The following ARHGAP25 variants were observed in gnomAD, a reference collection of about 807,000 sequenced individuals.
ARHGAP25 encodes the protein rho GTPase-activating protein 25.
ARHGAP25 carries 34 observed loss-of-function variants against 71.0 expected under a neutral mutation model. The observed-to-expected ratio is 0.48, with a 90% CI of 0.36 to 0.64. The LOEUF is 0.64. ARHGAP25 is among the 30% of genes least tolerant of loss of function. ARHGAP25 has a pLI of 0.00. For synonymous variants in ARHGAP25, 282 were observed against 296.5 expected, an observed-to-expected ratio of 0.95 and a Z score of 0.50; for missense variants, 706 against 805.1, an observed-to-expected ratio of 0.88 and a Z score of 1.49.
intron 5 of ARHGAP25, among the ~76,000 whole-genome samples, chr2:68,810,340 T>C (rs1680693535): frequency 6.6e-6 from 1 of 152,220 alleles, no homozygotes. Context: ...CTCAACACTA[T>C]GAAAACTTAG....
intron 2 of ARHGAP25, among the ~76,000 whole-genome samples, chr2:68,725,363 CA>C (rs1674858549): frequency 6.6e-6 from 1 of 152,104 alleles, no homozygotes; most frequent in South Asian, 2.1e-4. Context: ...CTCTCTCTGA[CA>C]CCCAGGCTGG....
intron 1 of ARHGAP25, among the ~76,000 whole-genome samples, chr2:68,770,546 A>C (rs989964551): frequency 2.0e-5 from 3 of 152,212 alleles, no homozygotes; most frequent in Admixed American, 6.5e-5. Context: ...AACGTTTCTC[A>C]GCTGACTTCT....
intron 1 of ARHGAP25, among the ~76,000 whole-genome samples, chr2:68,735,929 G>C (rs933940728): frequency 2.0e-5 from 3 of 152,160 alleles, no homozygotes; most frequent in African/African-American, 7.2e-5. Context: ...AATGATGATA[G>C]TGATACATTA....
intron 4 of ARHGAP25, among the ~76,000 whole-genome samples, chr2:68,796,588 T>C (rs1679554541): frequency 6.6e-6 from 1 of 152,236 alleles, no homozygotes; most frequent in Non-Finnish European, 1.5e-5. Flanking sequence ...GTGAAGATGC[T>C]GTATGATTTC....
chr2:68,787,021 C>G (rs1447315335), intron 3 of ARHGAP25, among the ~76,000 whole-genome samples: 4 of 152,202 alleles, frequency 2.6e-5, no homozygotes, highest in African/African-American at 9.6e-5. Flanking sequence ...GAGTTCAAGT[C>G]TCAGATCTGA....
chr2:68,773,182 T>C (rs974288541), intron 1 of ARHGAP25, among the ~76,000 whole-genome samples: 1 of 152,108 alleles, frequency 6.6e-6, no homozygotes, highest in Admixed American at 6.5e-5. Flanking sequence ...AATGTGGAAA[T>C]AGGGTGATAA....
chr2:68,796,613 G>A (rs1157253515), intron 4 of ARHGAP25, among the ~76,000 whole-genome samples: 1 of 152,216 alleles, frequency 6.6e-6, no homozygotes, highest in Non-Finnish European at 1.5e-5. Flanking sequence ...GTCATAAATA[G>A]CCTTAGTGGT....
At chr2:68,740,416 C>T (rs557953463) in intron 1 of ARHGAP25, among the ~76,000 whole-genome samples, 1 of 152,254 alleles carries the variant, frequency 6.6e-6, no homozygotes, top group African/African-American at 2.4e-5. Flanking sequence ...TCTTACCTGC[C>T]CACCTCTCTC....
chr2:68,825,548 G>A (rs889858635), intron 10 of ARHGAP25, among the ~76,000 whole-genome samples: 74 of 152,174 alleles, frequency 4.9e-4, no homozygotes, highest in African/African-American at 1.7e-3. Context: ...GGCGGATCAC[G>A]AGGTCAGGAG....
chr2:68,768,545 C>T (rs1677275067), intron 1 of ARHGAP25, among the ~76,000 whole-genome samples: 1 of 152,228 alleles, frequency 6.6e-6, no homozygotes, highest in African/African-American at 2.4e-5. Context: ...GCACCCTTTT[C>T]TGTCTTGCAT....
At chr2:68,716,693 T>C (rs1257487316) in intron 2 of ARHGAP25, among the ~76,000 whole-genome samples, 2 of 152,228 alleles carry the variant, frequency 1.3e-5, no homozygotes, top group Non-Finnish European at 2.9e-5. Context: ...TTCAACCACA[T>C]GATGTTATCT....
chr2:68,801,459 G>A (rs1372150565), intron 4 of ARHGAP25, among the ~76,000 whole-genome samples: 1 of 152,224 alleles, frequency 6.6e-6, no homozygotes, highest in Non-Finnish European at 1.5e-5. Flanking sequence ...GAAGAAGGAG[G>A]TGGCTTGCTG....
rs547443420 is a variant in ARHGAP25 at position 68,807,195 on chromosome 2, G to A, written c.467-78G>A. 3.5e-6 allele frequency: 5 copies of A among 1,431,192 alleles called. No individual in the cohort carries two copies. In the African/African-American group the frequency reaches 5.6e-5, roughly 16 times the overall value. 88.7% of individuals were successfully genotyped at this position (1,431,192 alleles called of 1,614,324 possible). Reference sequence around the variant, plus strand: ...TTGCAATAAAACCTGTGAAGACACAGGTGACACAGAAAGTCAAGAAATAGT... The same window carrying A: ...TTGCAATAAAACCTGTGAAGACACAAGTGACACAGAAAGTCAAGAAATAGT... On this transcript the variant is annotated intron_variant, in intron 4 of 10. Transcript: ENST00000409202.
rs553181787 is a variant in ARHGAP25 at position 68,822,649 on chromosome 2, G to A, written c.1510G>A (p.Asp504Asn). 1.5e-5 allele frequency: 25 copies of A among 1,614,096 alleles called. No homozygotes were observed. The highest frequency in any genetic ancestry group is 1.6e-4 in the Middle Eastern group (1 of 6,062). ...TGACTCCCAACGGACTTCCACCTAC[G>A]ATAACGTCCCTTCCCTGCCAGGGTC... ...LSDSQRTSTY[D>N]NVPSLPGSPG... is the part of the protein sequence containing the mutation. The change falls in exon 10 of 11, where the codon GAT (aspartate) becomes AAT (asparagine). Residue 504 changes from aspartate to asparagine, a missense_variant. By Grantham distance (23) the Asp-to-Asn change is conservative. Coordinates refer to ENST00000409202, the MANE Select transcript of ARHGAP25 (RefSeq NM_001007231.3).
intron 2 of ARHGAP25, among the ~76,000 whole-genome samples, chr2:68,727,705 A>G (rs571547381): frequency 6.6e-6 from 1 of 152,350 alleles, no homozygotes; most frequent in African/African-American, 2.4e-5. Flanking sequence ...TCTGATGCTC[A>G]TCCGTGAGGC....
At chr2:68,734,535 C>T (rs1223076389), upstream of ARHGAP25, among the ~76,000 whole-genome samples, 1 of 152,134 alleles carries the variant, frequency 6.6e-6, no homozygotes, top group Non-Finnish European at 1.5e-5. Context: ...GTTTTTCTGA[C>T]CATTTTTGGA....
At chr2:68,750,303 G>A (rs938091541) in intron 1 of ARHGAP25, among the ~76,000 whole-genome samples, 12 of 148,458 alleles carry the variant, frequency 8.1e-5, no homozygotes, top group African/African-American at 1.5e-4. Flanking sequence ...GAGCCACTGC[G>A]CCCAGCCCCA....
chr2:68,751,428 G>A (rs4068862), intron 1 of ARHGAP25, among the ~76,000 whole-genome samples: 4,068 of 152,268 alleles, frequency 0.027, 196 homozygotes, highest in African/African-American at 0.093. Flanking sequence ...AAAGAGCCAC[G>A]GGCATTTGGC....
intron 2 of ARHGAP25, among the ~76,000 whole-genome samples, chr2:68,726,969 C>G (rs1674898522): frequency 6.6e-6 from 1 of 151,886 alleles, no homozygotes; most frequent in East Asian, 1.9e-4. Context: ...GGAATAAAAC[C>G]TTAATTTTGT....
Sources: allele counts gnomAD v4.1 joint callset (sites outside exome capture counted in the v4.1 genomes callset), GRCh38; gene constraint gnomAD v4.1.1; transcripts MANE v1.5; gene names NCBI Gene and HGNC (gene_info 2026-07-23, HGNC 2026-07-21).